Variants in SYNDIG1 observed in about 807,000 individuals in gnomAD.
SYNDIG1 encodes synapse differentiation-inducing gene protein 1.
SYNDIG1 carries 9 observed loss-of-function variants against 19.4 expected under a neutral mutation model. The ratio of observed to expected loss-of-function variants is 0.46; its 90% CI spans 0.28 to 0.81. SYNDIG1 has a LOEUF of 0.81. Ranked by LOEUF, SYNDIG1 falls within the 30% of genes least tolerant of loss-of-function variation. The pLI is 0.12. For synonymous variants in SYNDIG1, 141 were observed against 145.9 expected, an observed-to-expected ratio of 0.97 and a Z score of 0.24; for missense variants, 311 against 343.3, an observed-to-expected ratio of 0.91 and a Z score of 0.74.
At chr20:24,665,068 G>C (rs2059635627) in intron 3 of SYNDIG1, among the ~76,000 whole-genome samples, 1 of 152,172 alleles carries the variant, frequency 6.6e-6, no homozygotes, top group African/African-American at 2.4e-5. Flanking sequence ...GAACTCAGTT[G>C]GGCTACTTCC....
chr20:24,519,212 G>GTTAA (rs2056952268), intron 1 of SYNDIG1, among the ~76,000 whole-genome samples: 2 of 152,274 alleles, frequency 1.3e-5, no homozygotes, highest in South Asian at 4.2e-4. Context: ...AGTTTATGAT[G>GTTAA]TTAATTAATT....
Position 24,542,688 on chromosome 20 carries a change from A to G in SYNDIG1, c.-78-332A>G, listed in dbSNP as rs566698681. Reference sequence around the variant, plus strand: ...TTTTCCTATGGACTTGTCAGATGCTAATGCGATTGGGTTTACCTGTGGGTT... The same window carrying G: ...TTTTCCTATGGACTTGTCAGATGCTGATGCGATTGGGTTTACCTGTGGGTT... On this transcript the variant is annotated intron_variant, in intron 1 of 3. Transcript: ENST00000376862. 7.3e-5 allele frequency among the ~76,000 whole-genome samples: 11 copies of G among 150,908 alleles called. No individual in the cohort carries two copies. In the East Asian group the frequency reaches 1.9e-3, roughly 26 times the overall value.
chr20:24,539,483 T>A (rs1314611368), intron 1 of SYNDIG1, among the ~76,000 whole-genome samples: 1 of 152,218 alleles, frequency 6.6e-6, no homozygotes, highest in Non-Finnish European at 1.5e-5. Flanking sequence ...TATCACACTG[T>A]TTTGATTCTA....
chr20:24,478,687 A>G (rs1568569313), intron 1 of SYNDIG1, among the ~76,000 whole-genome samples: 1 of 152,164 alleles, frequency 6.6e-6, no homozygotes, highest in Non-Finnish European at 1.5e-5. Context: ...ACATTTCTCC[A>G]TCTGTGCTTT....
At chr20:24,587,717 C>T (rs2058440668) in intron 3 of SYNDIG1, among the ~76,000 whole-genome samples, 1 of 152,250 alleles carries the variant, frequency 6.6e-6, no homozygotes, top group South Asian at 2.1e-4. Flanking sequence ...CAGTGGCCAG[C>T]ACATCCTGCT....
chr20:24,638,242 T>C (rs1568708796), intron 3 of SYNDIG1, among the ~76,000 whole-genome samples: 1 of 152,270 alleles, frequency 6.6e-6, no homozygotes, highest in Non-Finnish European at 1.5e-5. Context: ...AGATGGATGC[T>C]GCAGGTGCAA....
At chr20:24,615,141 T>C (rs1273500335) in intron 3 of SYNDIG1, among the ~76,000 whole-genome samples, 1 of 152,214 alleles carries the variant, frequency 6.6e-6, no homozygotes, top group Non-Finnish European at 1.5e-5. Flanking sequence ...CTTGCTAATG[T>C]TTGAACATCG....
At chr20:24,485,507 T>C (rs1351651328) in intron 1 of SYNDIG1, among the ~76,000 whole-genome samples, 5 of 152,216 alleles carry the variant, frequency 3.3e-5, no homozygotes, top group Admixed American at 2.0e-4. Flanking sequence ...TTTCAGGTCC[T>C]TGTAGATCTA....
intron 3 of SYNDIG1, among the ~76,000 whole-genome samples, chr20:24,595,924 C>T (rs984257471): frequency 2.0e-5 from 3 of 152,070 alleles, no homozygotes; most frequent in Admixed American, 6.5e-5. Flanking sequence ...ATTTGTTTAT[C>T]TCTTGTATGG....
At chr20:24,532,192 A>G (rs2146637275) in intron 1 of SYNDIG1, among the ~76,000 whole-genome samples, 1 of 152,336 alleles carries the variant, frequency 6.6e-6, no homozygotes, top group East Asian at 1.9e-4. Context: ...CTGTAATCAT[A>G]ATTAGCCCCG....
At chr20:24,533,928 G>A (rs1277596600) in intron 1 of SYNDIG1, among the ~76,000 whole-genome samples, 1 of 152,182 alleles carries the variant, frequency 6.6e-6, no homozygotes, top group Non-Finnish European at 1.5e-5. Flanking sequence ...AAGGAAGTTT[G>A]TTTGGGCTTA....
At chr20:24,517,308 A>AT (rs112475742) in intron 1 of SYNDIG1, among the ~76,000 whole-genome samples, 1 of 149,644 alleles carries the variant, frequency 6.7e-6, no homozygotes, top group Non-Finnish European at 1.5e-5. Context: ...AATAAAAAAA[A>AT]AAATAAATAA....
At chr20:24,637,494 T>C (rs933050945) in intron 3 of SYNDIG1, among the ~76,000 whole-genome samples, 4 of 152,218 alleles carry the variant, frequency 2.6e-5, no homozygotes, top group African/African-American at 9.6e-5. Flanking sequence ...CCACTGGATC[T>C]TCTTCATGAA....
chr20:24,507,233 C>G (rs1353530088), intron 1 of SYNDIG1, among the ~76,000 whole-genome samples: 1 of 152,242 alleles, frequency 6.6e-6, no homozygotes, highest in African/African-American at 2.4e-5. Context: ...CCCCCCACAG[C>G]CTGCCAAGCC....
intron 1 of SYNDIG1, among the ~76,000 whole-genome samples, chr20:24,503,419 C>G (rs1329884130): frequency 6.6e-6 from 1 of 152,200 alleles, no homozygotes; most frequent in Non-Finnish European, 1.5e-5. Flanking sequence ...TGGCTGTGTG[C>G]TCAGCAGCAG....
chr20:24,526,577 AG>A (rs1852202314), intron 1 of SYNDIG1, among the ~76,000 whole-genome samples: 1 of 152,074 alleles, frequency 6.6e-6, no homozygotes, highest in African/African-American at 2.4e-5. Flanking sequence ...ATAGAGAGAG[AG>A]ATATAGATAT....
chr20:24,634,675 G>C (rs1426343459), intron 3 of SYNDIG1, among the ~76,000 whole-genome samples: 6 of 151,992 alleles, frequency 3.9e-5, no homozygotes, highest in African/African-American at 1.5e-4. Flanking sequence ...TAAATTTCTA[G>C]TTCTACATTT....
intron 3 of SYNDIG1, among the ~76,000 whole-genome samples, chr20:24,617,224 C>A (rs891855106): frequency 6.6e-6 from 1 of 152,174 alleles, no homozygotes; most frequent in Non-Finnish European, 1.5e-5. Context: ...AGGGGCTGCT[C>A]ACCCTCCAGC....
chr20:24,635,767 C>T (rs990624357), intron 3 of SYNDIG1, among the ~76,000 whole-genome samples: 3 of 152,152 alleles, frequency 2.0e-5, no homozygotes, highest in Non-Finnish European at 4.4e-5. Context: ...CTCACGGCCA[C>T]ACAGTTAACC....
Sources: allele counts gnomAD v4.1 joint callset (sites outside exome capture counted in the v4.1 genomes callset), GRCh38; gene constraint gnomAD v4.1.1; transcripts MANE v1.5; gene names NCBI Gene and HGNC (gene_info 2026-07-23, HGNC 2026-07-21).